The following CAMKMT variants were observed in gnomAD, a reference collection of about 807,000 sequenced individuals.
CAMKMT encodes the protein CaM KMT.
Under a neutral mutation model 48.0 loss-of-function variants are expected in CAMKMT, and 53 were observed. That is an observed-to-expected ratio of 1.10 (90% CI 0.89 to 1.39). The LOEUF (loss-of-function observed/expected upper bound fraction) is 1.39, where lower values mean the gene tolerates loss of function less well. CAMKMT is among the 40% of genes most tolerant of loss of function. CAMKMT has a pLI of 0.00. For synonymous variants in CAMKMT, 165 were observed against 152.3 expected (o/e 1.08, Z -0.61); for missense variants, 428 against 402.7 (o/e 1.06, Z -0.54).
intron 3 of CAMKMT, among the ~76,000 whole-genome samples, chr2:44,458,874 A>G (rs1351148862): frequency 6.6e-6 from 1 of 152,176 alleles, no homozygotes; most frequent in Non-Finnish European, 1.5e-5. Flanking sequence ...GGCCATACGT[A>G]ACTGTGTACA....
At chr2:44,656,349 T>A (rs887629027) in intron 3 of CAMKMT, among the ~76,000 whole-genome samples, 1 of 152,024 alleles carries the variant, frequency 6.6e-6, no homozygotes, top group Non-Finnish European at 1.5e-5. Flanking sequence ...CAAAAGGAAT[T>A]TTTTTCTTTT....
At chr2:44,454,473 C>T (rs1384122074) in intron 3 of CAMKMT, among the ~76,000 whole-genome samples, 1 of 152,130 alleles carries the variant, frequency 6.6e-6, no homozygotes, top group Non-Finnish European at 1.5e-5. Flanking sequence ...AAATCCCCCT[C>T]TAAATGCATT....
At chr2:44,611,160 G>A (rs915484503) in intron 3 of CAMKMT, among the ~76,000 whole-genome samples, 1 of 152,140 alleles carries the variant, frequency 6.6e-6, no homozygotes, top group African/African-American at 2.4e-5. Context: ...GGCTGGGCAT[G>A]GTGGCTCATG....
rs993648344 is a variant in CAMKMT at position 44,429,273 on chromosome 2, G to C, written c.376+38968G>C. Among the ~76,000 whole-genome samples, 6 of 90,868 alleles carry C rather than the reference G, an allele frequency of 6.6e-5. No homozygotes were observed. In the Admixed American group the frequency reaches 8.6e-4, roughly 13 times the overall value. The allele number at this position is 90,868 out of a possible 152,430, so 59.6% of individuals were successfully genotyped here. ...GTTTTATATATATGTGTGTGTGTGT[G>C]TGTATGTGTGTGTGTGTGTGTGTGT... On this transcript the variant is annotated intron_variant, in intron 3 of 10. Transcript: ENST00000378494.
At chr2:44,535,653 A>G (rs535592564) in intron 3 of CAMKMT, among the ~76,000 whole-genome samples, 2 of 152,352 alleles carry the variant, frequency 1.3e-5, no homozygotes, top group East Asian at 1.9e-4. Flanking sequence ...GACCATTTCA[A>G]TAGGCACAGA....
intron 3 of CAMKMT, among the ~76,000 whole-genome samples, chr2:44,501,714 G>A (rs183057821): frequency 1.9e-4 from 29 of 152,186 alleles, no homozygotes; most frequent in African/African-American, 6.7e-4. Context: ...GAATTAGGAT[G>A]TAACATTAGA....
intron 2 of CAMKMT, among the ~76,000 whole-genome samples, chr2:44,384,932 C>T (rs1272117215): frequency 2.6e-5 from 4 of 152,022 alleles, no homozygotes; most frequent in Non-Finnish European, 5.9e-5. Flanking sequence ...CAGATTTGTT[C>T]TTTTTGCTTA....
chr2:44,390,602 T>C (rs548907526), intron 3 of CAMKMT, among the ~76,000 whole-genome samples: 2 of 152,040 alleles, frequency 1.3e-5, no homozygotes, highest in African/African-American at 2.4e-5. Flanking sequence ...GACACTGAAG[T>C]ACTGTCCCTT....
At chr2:44,693,860 G>T (rs1676792040) in intron 3 of CAMKMT, among the ~76,000 whole-genome samples, 1 of 152,160 alleles carries the variant, frequency 6.6e-6, no homozygotes. Context: ...GTGTGTGTTG[G>T]CCTCTCCACT....
intron 3 of CAMKMT, among the ~76,000 whole-genome samples, chr2:44,484,416 T>A (rs1315428929): frequency 6.6e-6 from 1 of 151,972 alleles, no homozygotes; most frequent in Non-Finnish European, 1.5e-5. Context: ...TCCAAAAATA[T>A]ACCCACATAT....
chr2:44,604,938 C>G (rs536269634), intron 3 of CAMKMT, among the ~76,000 whole-genome samples: 2 of 152,188 alleles, frequency 1.3e-5, no homozygotes, highest in South Asian at 2.1e-4. Context: ...GTATTTCTTT[C>G]TGCCTATTTC....
chr2:44,615,884 A>T (rs1671861775), intron 3 of CAMKMT, among the ~76,000 whole-genome samples: 1 of 152,132 alleles, frequency 6.6e-6, no homozygotes, highest in South Asian at 2.1e-4. Context: ...GGCACAGCAG[A>T]CATGCAGGCA....
At chr2:44,425,760 C>T (rs1191025501) in intron 3 of CAMKMT, among the ~76,000 whole-genome samples, 1 of 149,320 alleles carries the variant, frequency 6.7e-6, no homozygotes, top group Non-Finnish European at 1.5e-5. Context: ...GACAGAGTTT[C>T]ACTCTTGTTG....
chr2:44,549,747 T>C (rs1020232246), intron 3 of CAMKMT: 1 of 483,920 alleles, frequency 2.1e-6, no homozygotes, highest in Non-Finnish European at 3.6e-6. Context: ...GCCTATGTCC[T>C]ACATGATGTC....
intron 3 of CAMKMT, among the ~76,000 whole-genome samples, chr2:44,613,720 G>C (rs1339865479): frequency 6.6e-6 from 1 of 152,076 alleles, no homozygotes; most frequent in East Asian, 1.9e-4. Context: ...ATATCCTTAG[G>C]AGTTTATTTT....
chr2:44,677,201 C>T (rs948845405), intron 3 of CAMKMT, among the ~76,000 whole-genome samples: 13 of 152,164 alleles, frequency 8.5e-5, no homozygotes, highest in Admixed American at 2.6e-4. Flanking sequence ...ATAGCATTTT[C>T]ATGATTAAGA....
chr2:44,591,575 G>C (rs2103818569), intron 3 of CAMKMT, among the ~76,000 whole-genome samples: 1 of 152,310 alleles, frequency 6.6e-6, no homozygotes, highest in East Asian at 1.9e-4. Flanking sequence ...TGGTGCTGGA[G>C]AGGATGTGGA....
chr2:44,708,498 T>C (rs2104283609), intron 6 of CAMKMT, among the ~76,000 whole-genome samples: 1 of 152,126 alleles, frequency 6.6e-6, no homozygotes, highest in East Asian at 1.9e-4. Flanking sequence ...CCCACCCAGC[T>C]AATTGCCTGA....
intron 3 of CAMKMT, among the ~76,000 whole-genome samples, chr2:44,553,341 A>G (rs912615491): frequency 6.7e-6 from 1 of 148,830 alleles, no homozygotes; most frequent in African/African-American, 2.5e-5. Context: ...AGGATATGAC[A>G]TCTTTTCATT....
Sources: allele counts gnomAD v4.1 joint callset (sites outside exome capture counted in the v4.1 genomes callset), GRCh38; gene constraint gnomAD v4.1.1; transcripts MANE v1.5; gene names NCBI Gene and HGNC (gene_info 2026-07-23, HGNC 2026-07-21).